Variants in TAFA4 observed in about 807,000 individuals in gnomAD.
TAFA4 encodes the protein chemokine-like protein TAFA-4.
In TAFA4, 20 loss-of-function variants were observed where a neutral mutation model predicts 21.1. The observed-to-expected ratio is 0.95, with a 90% CI of 0.67 to 1.38. TAFA4 has a LOEUF of 1.38. TAFA4 is among the 40% of genes most tolerant of loss of function. The probability of loss-of-function intolerance (pLI) is 0.00; values close to 1 mark genes in which losing one functional copy is unlikely to be tolerated. For missense variants in TAFA4, 211 were observed against 180.9 expected (o/e 1.17, Z -0.95); for synonymous variants, 71 against 67.4 (o/e 1.05, Z -0.26).
intron 1 of TAFA4, among the ~76,000 whole-genome samples, chr3:68,918,363 C>T (rs966034347): frequency 6.6e-6 from 1 of 152,160 alleles, no homozygotes; most frequent in African/African-American, 2.4e-5. Context: ...TTTTGCTTGT[C>T]CTACCTCCAG....
rs1376411396 is a variant in TAFA4 at position 68,882,003 on chromosome 3, A to G, written c.15-1158T>C. 2.0e-5 allele frequency among the ~76,000 whole-genome samples: 3 copies of G among 152,348 alleles called. No homozygotes were observed. In the East Asian group the frequency reaches 5.8e-4, roughly 29 times the overall value. ...CATTCTCTCTCCGTGACCTCTCACA[A>G]TTCCGTCAAATAGATCTTGTTAAAG... On this transcript the variant is annotated intron_variant, in intron 2 of 5. Transcript: ENST00000295569.
At chr3:68,756,620 C>G (rs906420460) in intron 3 of TAFA4, among the ~76,000 whole-genome samples, 3 of 152,136 alleles carry the variant, frequency 2.0e-5, no homozygotes, top group African/African-American at 7.2e-5. Context: ...CAAGAAAATT[C>G]AATTACTGGT....
chr3:68,807,365 G>T (rs1321787291), intron 3 of TAFA4, among the ~76,000 whole-genome samples: 1 of 152,216 alleles, frequency 6.6e-6, no homozygotes, highest in African/African-American at 2.4e-5. Flanking sequence ...TAGGCAAGCT[G>T]ATATTACCAC....
chr3:68,812,174 G>C (rs11922258), intron 3 of TAFA4, among the ~76,000 whole-genome samples: 1 of 152,008 alleles, frequency 6.6e-6, no homozygotes, highest in Non-Finnish European at 1.5e-5. Context: ...CCTGAAAGAA[G>C]CACTAAACAT....
In TAFA4 at chr3:68,842,661, G is replaced by A. The variant is rs112403813; in HGVS notation, c.130+38069C>T. Among the ~76,000 whole-genome samples the A allele has an allele frequency of 1.2e-3, 179 of 152,236 alleles. 2 individuals carry two copies. The highest frequency in any genetic ancestry group is 3.9e-3 in the African/African-American group (163 of 41,548). ...AGTATTGCCTAGGTTTTCTTCTAGG[G>A]TTTTTACGGTTTTAGGTCTTATGTT... On this transcript the variant is annotated intron_variant, in intron 3 of 5. Coordinates refer to ENST00000295569, the MANE Select transcript of TAFA4 (RefSeq NM_182522.5).
chr3:68,833,000 G>C (rs958283290), intron 3 of TAFA4, among the ~76,000 whole-genome samples: 8 of 152,248 alleles, frequency 5.3e-5, no homozygotes, highest in Non-Finnish European at 8.8e-5. Context: ...ATGGGCATGG[G>C]ACGTGCCAAG....
At chr3:68,841,901 A>G (rs918720773) in intron 3 of TAFA4, among the ~76,000 whole-genome samples, 10 of 152,180 alleles carry the variant, frequency 6.6e-5, no homozygotes, top group African/African-American at 2.2e-4. Flanking sequence ...GCTGCATAGT[A>G]TTCCATGGTG....
At chr3:68,815,496 G>T (rs1419096191) in intron 3 of TAFA4, among the ~76,000 whole-genome samples, 1 of 152,114 alleles carries the variant, frequency 6.6e-6, no homozygotes, top group Admixed American at 6.5e-5. Context: ...ATCAAAAAGT[G>T]GGCAAAGGAT....
At chr3:68,878,944 TG>T (rs1041889237) in intron 3 of TAFA4, among the ~76,000 whole-genome samples, 1 of 152,080 alleles carries the variant, frequency 6.6e-6, no homozygotes, top group African/African-American at 2.4e-5. Flanking sequence ...CTGCCAAAAC[TG>T]GGGGGGAGAT....
chr3:68,777,646 A>G (rs763579366), intron 3 of TAFA4, among the ~76,000 whole-genome samples: 1 of 152,190 alleles, frequency 6.6e-6, no homozygotes, highest in Non-Finnish European at 1.5e-5. Context: ...CTCAATTCAA[A>G]AAAAGGCAGT....
intron 1 of TAFA4, among the ~76,000 whole-genome samples, chr3:68,910,848 C>G (rs1473369625): frequency 6.6e-6 from 1 of 152,130 alleles, no homozygotes; most frequent in Non-Finnish European, 1.5e-5. Flanking sequence ...TCCATTGTAC[C>G]AACCTCATAG....
At chr3:68,771,015 C>T (rs1394388834) in intron 3 of TAFA4, among the ~76,000 whole-genome samples, 1 of 152,190 alleles carries the variant, frequency 6.6e-6, no homozygotes, top group Non-Finnish European at 1.5e-5. Context: ...AGCAGAACGA[C>T]TCGGACACCA....
intron 3 of TAFA4, among the ~76,000 whole-genome samples, chr3:68,832,444 A>G (rs1211778389): frequency 6.6e-6 from 1 of 152,130 alleles, no homozygotes. Context: ...AAGCCCCTCA[A>G]CTGCAGATCT....
In TAFA4 at chr3:68,885,085, C is replaced by T. The variant is rs149046861; in HGVS notation, c.14+90G>A. 834 of 1,264,626 alleles carry T rather than the reference C, an allele frequency of 6.6e-4. 13 individuals are homozygous for T. In the East Asian group the frequency reaches 0.018, roughly 27 times the overall value. 78.3% of individuals were successfully genotyped at this position (1,264,626 alleles called of 1,614,324 possible). A position where few individuals can be genotyped will look rare whatever the true frequency, so the allele number is the denominator to read the frequency against. On this transcript the variant is annotated intron_variant, in intron 2 of 5. Transcript: ENST00000295569. ...AAAGTGTAAAAGCAGGCTTCTAAAACGGATCATCAACTCCAGGATACTCAC... is the reference window on the plus strand; with the variant it reads ...AAAGTGTAAAAGCAGGCTTCTAAAATGGATCATCAACTCCAGGATACTCAC...
At chr3:68,920,813 GC>G (rs1283876908) in intron 1 of TAFA4, among the ~76,000 whole-genome samples, 1 of 151,868 alleles carries the variant, frequency 6.6e-6, no homozygotes, top group Non-Finnish European at 1.5e-5. Flanking sequence ...ACCCACACAT[GC>G]CATGTTCTAC....
intron 1 of TAFA4, among the ~76,000 whole-genome samples, chr3:68,886,794 C>T (rs2089677426): frequency 6.6e-6 from 1 of 152,142 alleles, no homozygotes; most frequent in Admixed American, 6.5e-5. Context: ...TTTTCTGCTG[C>T]TGTAACAGAA....
At position 68,733,115 on chromosome 3, in the gene TAFA4, C is replaced by G. The variant is rs1336731362; in HGVS notation, c.*27G>C. ...AGAGCTCCGCCTCCTGCTGCCCCTCCAGGATTGAAGCACACCTCTCTCTTC... is the reference window on the plus strand; with the variant it reads ...AGAGCTCCGCCTCCTGCTGCCCCTCGAGGATTGAAGCACACCTCTCTCTTC... On this transcript the variant is annotated 3_prime_UTR_variant, in exon 6 of 6. Transcript: ENST00000295569. The G allele has an allele frequency of 1.2e-6, 2 of 1,612,912 alleles. No homozygotes were observed. The highest frequency in any genetic ancestry group is 1.7e-6 in the Non-Finnish European group (2 of 1,179,320).
At chr3:68,907,337 C>T (rs1423451417) in intron 1 of TAFA4, among the ~76,000 whole-genome samples, 1 of 152,154 alleles carries the variant, frequency 6.6e-6, no homozygotes, top group East Asian at 1.9e-4. Flanking sequence ...TCTTTAAAGT[C>T]CCCTGCTTTG....
At chr3:68,898,633 G>C (rs955024420) in intron 1 of TAFA4, among the ~76,000 whole-genome samples, 10 of 152,166 alleles carry the variant, frequency 6.6e-5, no homozygotes, top group African/African-American at 2.2e-4. Context: ...GTGACAGAAT[G>C]AGATTCCATC....
Sources: allele counts gnomAD v4.1 joint callset (sites outside exome capture counted in the v4.1 genomes callset), GRCh38; gene constraint gnomAD v4.1.1; transcripts MANE v1.5; gene names NCBI Gene and HGNC (gene_info 2026-07-23, HGNC 2026-07-21).